The following TFAP2B variants were observed in gnomAD, a reference collection of about 807,000 sequenced individuals.
TFAP2B encodes the protein transcription factor AP-2-beta.
TFAP2B carries 9 observed loss-of-function variants against 44.3 expected under a neutral mutation model. The ratio of observed to expected loss-of-function variants is 0.20; its 90% CI spans 0.12 to 0.35. The LOEUF is 0.35. TFAP2B is among the 10% of genes least tolerant of loss of function. The pLI, the probability that TFAP2B is intolerant of heterozygous loss-of-function variation, is 1.00. For synonymous variants in TFAP2B, 270 were observed against 263.8 expected, an observed-to-expected ratio of 1.02 and a Z score of -0.23; for missense variants, 509 against 600.0, an observed-to-expected ratio of 0.85 and a Z score of 1.59.
chr6:50,831,577 G>A (rs990091096), intron 3 of TFAP2B, among the ~76,000 whole-genome samples: 1 of 152,022 alleles, frequency 6.6e-6, no homozygotes, highest in Non-Finnish European at 1.5e-5. Context: ...TAATGAGAAG[G>A]ATTCGGTACA....
chr6:50,837,668 A>T (rs906875505), intron 4 of TFAP2B, among the ~76,000 whole-genome samples: 1 of 152,160 alleles, frequency 6.6e-6, no homozygotes, highest in African/African-American at 2.4e-5. Context: ...AGGAACATGC[A>T]CGTGCATGTG....
intron 3 of TFAP2B, among the ~76,000 whole-genome samples, chr6:50,831,958 C>T (rs1231402847): frequency 1.3e-5 from 2 of 152,120 alleles, no homozygotes; most frequent in Non-Finnish European, 2.9e-5. Context: ...CTTTCTTTCC[C>T]GTTAGTTCTG....
chr6:50,828,673 A>T lies in TFAP2B; in HGVS notation c.595A>T (p.Lys199Ter). 1 of 1,613,884 alleles carries T rather than the reference A, an allele frequency of 6.2e-7. No homozygotes were observed. Among genetic ancestry groups the T allele is most frequent in the Non-Finnish European group, 8.5e-7 (1 of 1,179,836 alleles). ...GAATCTATTGGACCAGTCTGTCATT[A>T]AAAAAGGTATGGATAATTCCCCCCA... ...GMNLLDQSVI[K>*]KVPVPPKSVT... The change falls in exon 3 of 7, where the codon AAA (lysine) becomes TAA (stop). Residue 199 changes from lysine (K) to a stop codon, truncating the protein, a stop_gained. Coordinates refer to ENST00000393655, the MANE Select transcript of TFAP2B (RefSeq NM_003221.4). LOFTEE classifies it high-confidence loss of function.
intron 3 of TFAP2B, among the ~76,000 whole-genome samples, chr6:50,830,143 T>C (rs538254524): frequency 6.6e-6 from 1 of 152,258 alleles, no homozygotes; most frequent in African/African-American, 2.4e-5. Context: ...GGGGAGGAGC[T>C]TCTCCATTGG....
intron 2 of TFAP2B, among the ~76,000 whole-genome samples, chr6:50,825,252 T>G (rs1446793424): frequency 6.6e-6 from 1 of 152,178 alleles, no homozygotes. Context: ...GCTAGAGATA[T>G]TGCTCATTTC....
At chr6:50,837,947 A>C in intron 4 of TFAP2B, 28 bp from the exon 5 acceptor site, 1 of 1,545,890 alleles carries the variant, frequency 6.5e-7, no homozygotes, top group Non-Finnish European at 8.9e-7. Context: ...TCTAAGGTTA[A>C]TCAGAATGTT....
At chr6:50,820,818 T>C (rs1225236877) in intron 1 of TFAP2B, among the ~76,000 whole-genome samples, 1 of 151,252 alleles carries the variant, frequency 6.6e-6, no homozygotes, top group Non-Finnish European at 1.5e-5. Flanking sequence ...CATTCGTTCT[T>C]TACAGAAAGT....
intron 3 of TFAP2B, among the ~76,000 whole-genome samples, chr6:50,830,147 C>T (rs1770635543): frequency 6.6e-6 from 1 of 152,056 alleles, no homozygotes; most frequent in South Asian, 2.1e-4. Flanking sequence ...AGGAGCTTCT[C>T]CATTGGCTTT....
At chr6:50,823,234 A>C (rs1333312799) in intron 1 of TFAP2B, among the ~76,000 whole-genome samples, 173 bp from the exon 2 acceptor site, 1 of 152,110 alleles carries the variant, frequency 6.6e-6, no homozygotes, top group Admixed American at 6.5e-5. Context: ...TGGGGGTCTA[A>C]GTTTCAGATC....
Position 50,819,048 on chromosome 6 carries a change from T to C in TFAP2B, c.81+76T>C, listed in dbSNP as rs1050684282. The C allele has an allele frequency of 1.2e-5, 16 of 1,368,640 alleles. No homozygotes were observed. In the South Asian group the frequency reaches 1.7e-4, roughly 14 times the overall value. The allele number at this position is 1,368,640 out of a possible 1,614,324, so 84.8% of individuals were successfully genotyped here. On this transcript the variant is annotated intron_variant, in intron 1 of 6. Transcript: ENST00000393655. ...GAGCTTCTTGATACCCCAAATGATA[T>C]ATATTTTTAAGCTATTTACTCGTAG...
rs747434951 is a variant in TFAP2B, at chr6:50,843,401, T to TA, written c.*16dup. ...AGAAACACAGGAAATGAAAAATTTT[T>TA]AAAAAAAGAAGGAAAAATGTTTTAA... On this transcript the variant is annotated 3_prime_UTR_variant, in exon 7 of 7. Transcript: ENST00000393655. The TA allele has an allele frequency of 4.5e-5, 72 of 1,609,766 alleles. No individual in the cohort carries two copies. The highest frequency in any genetic ancestry group is 4.0e-4 in the Admixed American group (24 of 59,324).
rs1430325437 is a variant in TFAP2B at position 50,845,091 on chromosome 6, T to C, written c.*1699T>C. The C allele has an allele frequency of 6.6e-6, 1 of 152,146 alleles. No homozygotes were observed. Among genetic ancestry groups the C allele is most frequent in the African/African-American group, 2.4e-5 (1 of 41,420 alleles). 9.4% of individuals were successfully genotyped at this position (152,146 alleles called of 1,614,324 possible). A position where few individuals can be genotyped will look rare whatever the true frequency, so the allele number is the denominator to read the frequency against. On this transcript the variant is annotated 3_prime_UTR_variant, in exon 7 of 7. Transcript: ENST00000393655. Reference sequence around the variant, plus strand: ...GAAATAAGATCTGGAATCCATTGTCTGCACCTCCGCAAAAGCAGTGAGAAA... The same window carrying C: ...GAAATAAGATCTGGAATCCATTGTCCGCACCTCCGCAAAAGCAGTGAGAAA...
chr6:50,826,578 C>G (rs1425632370), intron 2 of TFAP2B, among the ~76,000 whole-genome samples: 2 of 144,884 alleles, frequency 1.4e-5, no homozygotes, highest in African/African-American at 5.2e-5. Context: ...CGCGCGCGCG[C>G]GCGCGCGCGT....
intron 2 of TFAP2B, among the ~76,000 whole-genome samples, chr6:50,827,794 C>G (rs1248318339): frequency 6.6e-6 from 1 of 152,202 alleles, no homozygotes; most frequent in South Asian, 2.1e-4. Flanking sequence ...GAAACTTGCT[C>G]CAACAGCTAT....
chr6:50,836,018 C>G (rs762104453), intron 3 of TFAP2B, 43 bp from the exon 4 acceptor site: 2 of 1,496,366 alleles, frequency 1.3e-6, no homozygotes, highest in Admixed American at 1.7e-5. Flanking sequence ...TCATCAGGAT[C>G]GAAACTTGGT....
chr6:50,828,001 G>T (rs905439657), intron 2 of TFAP2B, among the ~76,000 whole-genome samples: 3 of 152,190 alleles, frequency 2.0e-5, no homozygotes, highest in African/African-American at 7.2e-5. Context: ...GCATCAGCAG[G>T]ACTGGGAGGG....
intron 1 of TFAP2B, among the ~76,000 whole-genome samples, chr6:50,819,887 G>A (rs1770284859): frequency 6.6e-6 from 1 of 151,836 alleles, no homozygotes; most frequent in African/African-American, 2.4e-5. Context: ...CGGCCGAGGC[G>A]GGCGAGGCGC....
intron 3 of TFAP2B, among the ~76,000 whole-genome samples, chr6:50,834,330 G>A (rs1581822638): frequency 6.6e-6 from 1 of 152,174 alleles, no homozygotes; most frequent in African/African-American, 2.4e-5. Flanking sequence ...CCATGACAGG[G>A]CAGAATATTT....
intron 1 of TFAP2B, among the ~76,000 whole-genome samples, chr6:50,820,395 C>A (rs962272052): frequency 3.3e-5 from 5 of 152,224 alleles, no homozygotes; most frequent in African/African-American, 4.8e-5. Flanking sequence ...CCTCCTGCCC[C>A]CCCCCGAATC....
Sources: allele counts gnomAD v4.1 joint callset (sites outside exome capture counted in the v4.1 genomes callset), GRCh38; gene constraint gnomAD v4.1.1; transcripts MANE v1.5; gene names NCBI Gene and HGNC (gene_info 2026-07-23, HGNC 2026-07-21).